AMOTL2: variants seen among roughly 807,000 people sequenced by gnomAD.
AMOTL2 encodes angiomotin like 2.
AMOTL2 carries 33 observed loss-of-function variants against 78.4 expected under a neutral mutation model. That is an observed-to-expected ratio of 0.42 (90% CI 0.32 to 0.56). AMOTL2 has a LOEUF of 0.56. Among genes scored for constraint, AMOTL2 ranks in the 20% least tolerant of loss-of-function variants. The pLI, the probability that AMOTL2 is intolerant of heterozygous loss-of-function variation, is 0.12. For missense variants in AMOTL2, 983 were observed against 1,030.1 expected, an observed-to-expected ratio of 0.95 and a Z score of 0.63; for synonymous variants, 422 against 428.8, an observed-to-expected ratio of 0.98 and a Z score of 0.20.
At chr3:134,359,767 C>T (rs1340293620) in intron 7 of AMOTL2, among the ~76,000 whole-genome samples, 1 of 152,208 alleles carries the variant, frequency 6.6e-6, no homozygotes, top group Non-Finnish European at 1.5e-5. Flanking sequence ...AAAGGCAGGC[C>T]ATTAAGGATG....
rs1415946466 is a variant in AMOTL2 at position 134,371,025 on chromosome 3, G to A, written c.409C>T (p.Pro137Ser). Residue 137 changes from proline (P) to serine (S), a missense_variant, in exon 2 of 10, where the codon CCG becomes TCG. By Grantham distance (74) the Pro-to-Ser change is moderately conservative. Transcript: ENST00000249883. ...HAGDRDPRGA[P>S]GGSRRQDEAL... is the part of the protein sequence containing the mutation. ...TCGTCCTGCCTCCGACTGCCTCCCG[G>A]GGCCCCACGGGGATCTCGGTCCCCC... 6.2e-7 allele frequency: 1 copy of A among 1,605,062 alleles called. No homozygotes were observed. The highest frequency in any genetic ancestry group is 8.5e-7 in the Non-Finnish European group (1 of 1,175,900).
At chr3:134,368,773 C>T (rs1167596445) in intron 2 of AMOTL2, among the ~76,000 whole-genome samples, 1 of 152,174 alleles carries the variant, frequency 6.6e-6, no homozygotes, top group Non-Finnish European at 1.5e-5. Flanking sequence ...TGCCTCTGGA[C>T]TACTGTGGTC....
chr3:134,367,800 G>A lies in AMOTL2; in HGVS notation c.738C>T (p.Ile246=), dbSNP rs370111412. 68 of 1,613,162 alleles carry A rather than the reference G, an allele frequency of 4.2e-5. No individual in the cohort carries two copies. The highest frequency in any genetic ancestry group is 5.5e-5 in the Non-Finnish European group (65 of 1,179,954). The stretch of plus-strand genomic sequence containing the variant: ...ACACAGGAGGCACCTGGGCCTGCAG[G>A]ATCCTGGGGAACAGAAGAGACGGTG... ...SPHFQHAEVR[I]LQAQVPPVFL... is the part of the protein sequence containing the mutation. Residue 246 remains isoleucine (I), a synonymous_variant, in exon 3 of 10, where the codon ATC becomes ATT. Transcript: ENST00000249883.
chr3:134,365,783 A>G (rs1200083824), intron 5 of AMOTL2, 34 bp downstream of exon 5: 1 of 1,584,826 alleles, frequency 6.3e-7, no homozygotes, highest in Admixed American at 1.7e-5. Context: ...TTGCCTGCAC[A>G]CAGGCCAGGC....
At chr3:134,373,312 A>G (rs1159052856) in intron 1 of AMOTL2, among the ~76,000 whole-genome samples, 3 of 152,030 alleles carry the variant, frequency 2.0e-5, no homozygotes, top group Non-Finnish European at 4.4e-5. Flanking sequence ...CCCACAGAGA[A>G]GGCAGGGGAG....
intron 5 of AMOTL2, among the ~76,000 whole-genome samples, chr3:134,365,127 T>C (rs1211436303): frequency 6.6e-6 from 1 of 152,144 alleles, no homozygotes; most frequent in Non-Finnish European, 1.5e-5. Context: ...AACCTGCTCC[T>C]TTCTTAAGCT....
At position 134,360,166 on chromosome 3, in the gene AMOTL2, C is replaced by T; in HGVS notation, c.1823G>A (p.Ser608Asn). ...LIRHSPQPSP[S>N]SSFNEGLLTG... is the part of the protein sequence containing the mutation. ...GAGCAGACCCTCATTGAAGCTGCTG[C>T]TGGGTGAGGGCTGGGGGGAATGTCG... The change falls in exon 7 of 10, where the codon AGC (serine) becomes AAC (asparagine). Residue 608 changes from serine (S) to asparagine (N), a missense_variant. Physicochemically the swap from Ser to Asn is conservative, Grantham distance 46 (BLOSUM62 1). Coordinates refer to ENST00000249883, the MANE Select transcript of AMOTL2 (RefSeq NM_016201.4). 1 of 1,614,018 alleles carries T rather than the reference C, an allele frequency of 6.2e-7. No individual in the cohort carries two copies. The highest frequency in any genetic ancestry group is 1.7e-5 in the Admixed American group (1 of 60,010).
chr3:134,357,726 G>A lies in AMOTL2; in HGVS notation c.2322C>T (p.Asp774=). ...VATSRVQDLS[D]MVEILI ...TCCTTCAGATCAGTATCTCCACCATGTCTGACAAGTCCTGGACTCTGGATG... is the reference window on the plus strand; with the variant it reads ...TCCTTCAGATCAGTATCTCCACCATATCTGACAAGTCCTGGACTCTGGATG... The change falls in exon 10 of 10, where the codon GAC becomes GAT. Residue 774 remains aspartate (D), a synonymous_variant. Coordinates refer to ENST00000249883, the MANE Select transcript of AMOTL2 (RefSeq NM_016201.4). 6.2e-7 allele frequency: 1 copy of A among 1,614,200 alleles called. No homozygotes were observed.
chr3:134,375,070 C>G, upstream of AMOTL2: 7 of 1,465,736 alleles, frequency 4.8e-6, no homozygotes, highest in Non-Finnish European at 6.3e-6. Context: ...GTTTTCACCC[C>G]CAGCGGCAAC....
Position 134,371,507 on chromosome 3 carries a change from G to C in AMOTL2, c.-61-13C>G, listed in dbSNP as rs1372102582. The C allele has an allele frequency of 6.3e-7, 1 of 1,581,700 alleles. No homozygotes were observed. Among genetic ancestry groups the C allele is most frequent in the South Asian group, 1.1e-5 (1 of 90,508 alleles). ...GGCCCCAGAGCACCTGGAGTGGGGT[G>C]GGGAGAGAGAGAGAGAAAAGCAATC... is the stretch of plus-strand genomic sequence containing the variant. On this transcript the variant is annotated splice_polypyrimidine_tract_variant and intron_variant, in intron 1 of 9. Transcript: ENST00000249883.
chr3:134,371,088 A>C lies in AMOTL2; in HGVS notation c.346T>G (p.Tyr116Asp). The C allele has an allele frequency of 6.2e-7, 1 of 1,612,228 alleles. No individual in the cohort carries two copies. The highest frequency in any genetic ancestry group is 8.5e-7 in the Non-Finnish European group (1 of 1,179,332). Reference protein sequence around the residue: ...TYEEAKAHSQYYAAQQAGTRP... With the variant: ...TYEEAKAHSQDYAAQQAGTRP... ...GTCCCTGCCTGCTGGGCCGCATAGT[A>C]CTGCGAGTGGGCTTTGGCCTCCTCA... Residue 116 changes from tyrosine (Y) to aspartate (D), a missense_variant, in exon 2 of 10, where the codon TAC becomes GAC. Tyr to Asp is a radical substitution (Grantham distance 160). Coordinates refer to ENST00000249883, the MANE Select transcript of AMOTL2 (RefSeq NM_016201.4).
chr3:134,361,170 C>CAA (rs969648340), intron 6 of AMOTL2, among the ~76,000 whole-genome samples: 5 of 138,984 alleles, frequency 3.6e-5, no homozygotes, highest in African/African-American at 1.3e-4. Flanking sequence ...GATTCCATCT[C>CAA]AAAAAAAAAA....
rs1001584932 is a variant in AMOTL2, at chr3:134,357,421, T to C, written c.*284A>G. 4.5e-5 allele frequency: 19 copies of C among 419,340 alleles called. No individual in the cohort carries two copies. The highest frequency in any genetic ancestry group is 3.5e-4 in the African/African-American group (18 of 50,740). 26.0% of individuals were successfully genotyped at this position (419,340 alleles called of 1,614,324 possible). Reference sequence around the variant, plus strand: ...TCTGAGCTGTCAGTTGCTACCCCAGTAGCAGGCCTTGGGCAAGAAGTCAAG... The same window carrying C: ...TCTGAGCTGTCAGTTGCTACCCCAGCAGCAGGCCTTGGGCAAGAAGTCAAG... On this transcript the variant is annotated 3_prime_UTR_variant, in exon 10 of 10. Transcript: ENST00000249883.
Position 134,365,921 on chromosome 3 carries a change from G to A in AMOTL2, c.1187-12C>T, listed in dbSNP as rs769137504. 13 of 1,613,282 alleles carry A rather than the reference G, an allele frequency of 8.1e-6. No individual in the cohort carries two copies. Among genetic ancestry groups the A allele is most frequent in the Non-Finnish European group, 1.0e-5 (12 of 1,179,400 alleles). Reference sequence around the variant, plus strand: ...AGATTCCAATCTCTCTGTTTCAAGGGAAGGAAAGATGTTTTAGTGTCAGGT... The same window carrying A: ...AGATTCCAATCTCTCTGTTTCAAGGAAAGGAAAGATGTTTTAGTGTCAGGT... On this transcript the variant is annotated splice_polypyrimidine_tract_variant and intron_variant, in intron 4 of 9. Transcript: ENST00000249883.
chr3:134,359,516 A>G lies in AMOTL2; in HGVS notation c.1884-13T>C, dbSNP rs1236464877. On this transcript the variant is annotated splice_polypyrimidine_tract_variant and intron_variant, in intron 7 of 9. Transcript: ENST00000249883. ...GAGCACCTTTAACCTGAGGGGTGAG[A>G]GGCCATGCCCACATTGTCAGACCCA... 1.2e-6 allele frequency: 2 copies of G among 1,603,132 alleles called. No homozygotes were observed. Among genetic ancestry groups the G allele is most frequent in the Non-Finnish European group, 8.5e-7 (1 of 1,172,714 alleles).
rs765754671 is a variant in AMOTL2, at chr3:134,371,426, G to A, written c.8C>T (p.Thr3Ile). The A allele has an allele frequency of 6.2e-7, 1 of 1,602,528 alleles. No individual in the cohort carries two copies. The highest frequency in any genetic ancestry group is 1.1e-5 in the South Asian group (1 of 91,086). The change falls in exon 2 of 10, where the codon ACA (threonine) becomes ATA (isoleucine). Residue 3 changes from threonine to isoleucine, a missense_variant. Thr to Ile is a moderately conservative substitution (Grantham distance 89). Transcript: ENST00000249883. MR[T>I]LEDSSGTVLH... ...GACTGTCCCCGAGGAGTCTTCCAGTGTCCTCATGCTTCTTTGGCTTGCACA... is the reference window on the plus strand; with the variant it reads ...GACTGTCCCCGAGGAGTCTTCCAGTATCCTCATGCTTCTTTGGCTTGCACA...
intron 6 of AMOTL2, among the ~76,000 whole-genome samples, 178 bp from the exon 7 acceptor site, chr3:134,360,591 C>T (rs916586524): frequency 2.6e-5 from 4 of 152,206 alleles, no homozygotes; most frequent in Non-Finnish European, 5.9e-5. Context: ...CATACCCCTG[C>T]CCTGAATCCT....
upstream of AMOTL2, chr3:134,374,979 T>A: frequency 7.1e-7 from 1 of 1,398,782 alleles, no homozygotes; most frequent in Non-Finnish European, 9.3e-7. Context: ...TGCAAAGACA[T>A]CCATATCCTC....
At position 134,357,651 on chromosome 3, in the gene AMOTL2, G is replaced by T; in HGVS notation, c.*54C>A. On this transcript the variant is annotated 3_prime_UTR_variant, in exon 10 of 10. Transcript: ENST00000249883. ...GGGGCTGCTGAAATGGCTGAGAGTG[G>T]CACAGGGCAGAGGAGGGGAGAGAAT... 1 of 1,569,416 alleles carries T rather than the reference G, an allele frequency of 6.4e-7. No individual in the cohort carries two copies. The highest frequency in any genetic ancestry group is 8.8e-7 in the Non-Finnish European group (1 of 1,139,588).
Sources: gnomAD v4.1 joint callset for allele counts (sites outside exome capture counted in the v4.1 genomes callset) on GRCh38, gnomAD v4.1.1 for gene constraint, MANE v1.5 for transcripts, NCBI Gene and HGNC (gene_info 2026-07-23, HGNC 2026-07-21) for gene names.